Variants in DLG2 observed in about 807,000 individuals in gnomAD.
DLG2 encodes the protein disks large homolog 2.
A neutral mutation model predicts 132.5 loss-of-function variants in DLG2; 45 were observed. The observed-to-expected ratio is 0.34, with a 90% confidence interval of 0.27 to 0.44. The LOEUF (loss-of-function observed/expected upper bound fraction) is 0.44, where lower values mean the gene tolerates loss of function less well. Among genes scored for constraint, DLG2 ranks in the 20% least tolerant of loss-of-function variants. The probability of loss-of-function intolerance (pLI) is 1.00; values close to 1 mark genes in which losing one functional copy is unlikely to be tolerated. For synonymous variants in DLG2, 424 were observed against 419.6 expected, an observed-to-expected ratio of 1.01 and a Z score of -0.13; for missense variants, 1,045 against 1,196.9, an observed-to-expected ratio of 0.87 and a Z score of 1.87.
chr11:85,535,412 C>A (rs1029264201), intron 3 of DLG2, among the ~76,000 whole-genome samples: 1 of 151,810 alleles, frequency 6.6e-6, no homozygotes, highest in Admixed American at 6.6e-5. Flanking sequence ...AATGTCAGTG[C>A]GTAGCAGTTT....
intron 7 of DLG2, among the ~76,000 whole-genome samples, chr11:84,310,904 T>C (rs757984163): frequency 2.0e-5 from 3 of 152,230 alleles, no homozygotes; most frequent in African/African-American, 4.8e-5. Flanking sequence ...GCAAAGGAAC[T>C]ATGAGGGGAG....
chr11:84,411,562 C>CTT (rs60348213), intron 7 of DLG2, among the ~76,000 whole-genome samples: 26 of 146,424 alleles, frequency 1.8e-4, no homozygotes, highest in African/African-American at 4.9e-4. Flanking sequence ...ATCTGTGGTA[C>CTT]TTTTTTTTTT....
At chr11:85,500,614 C>T (rs2093779494) in intron 3 of DLG2, among the ~76,000 whole-genome samples, 1 of 149,616 alleles carries the variant, frequency 6.7e-6, no homozygotes, top group Non-Finnish European at 1.5e-5. Context: ...CACAAGCATT[C>T]CTCTACACCA....
intron 5 of DLG2, among the ~76,000 whole-genome samples, chr11:85,150,751 T>TGTGTAA: frequency 7.8e-6 from 1 of 127,404 alleles, no homozygotes; most frequent in East Asian, 2.2e-4. Flanking sequence ...TGTGTGTGTG[T>TGTGTAA]AACATTTTCT....
chr11:84,158,655 G>A (rs368151155), intron 9 of DLG2, among the ~76,000 whole-genome samples: 28 of 152,218 alleles, frequency 1.8e-4, no homozygotes, highest in African/African-American at 4.8e-4. Context: ...TAAATTAAAC[G>A]TTACAGAGGT....
At chr11:83,570,054 T>C (rs1050009244) in intron 19 of DLG2, among the ~76,000 whole-genome samples, 1 of 152,236 alleles carries the variant, frequency 6.6e-6, no homozygotes, top group African/African-American at 2.4e-5. Context: ...GGTCACTTCA[T>C]GCACTTAGCA....
At chr11:85,609,896 G>C (rs1196198016) in intron 2 of DLG2, among the ~76,000 whole-genome samples, 1 of 152,188 alleles carries the variant, frequency 6.6e-6, no homozygotes, top group Non-Finnish European at 1.5e-5. Flanking sequence ...CACCTCCTCA[G>C]TTGTAATTGG....
chr11:84,522,246 A>C (rs2099305226), intron 7 of DLG2, among the ~76,000 whole-genome samples: 2 of 152,158 alleles, frequency 1.3e-5, no homozygotes. Flanking sequence ...GTGAAACTAG[A>C]AAATCTCTAA....
chr11:84,445,199 T>A (rs897756517), intron 7 of DLG2, among the ~76,000 whole-genome samples: 3 of 152,226 alleles, frequency 2.0e-5, no homozygotes, highest in Non-Finnish European at 2.9e-5. Context: ...TATCATTTTT[T>A]GTTATAGTTT....
At chr11:85,348,299 T>C (rs894198257) in intron 3 of DLG2, among the ~76,000 whole-genome samples, 3 of 151,732 alleles carry the variant, frequency 2.0e-5, no homozygotes, top group Non-Finnish European at 4.4e-5. Flanking sequence ...CTCAGCTCAC[T>C]GCAACTTCAG....
chr11:83,927,257 C>T (rs1217547025), intron 15 of DLG2, among the ~76,000 whole-genome samples: 2 of 152,154 alleles, frequency 1.3e-5, no homozygotes, highest in Non-Finnish European at 2.9e-5. Flanking sequence ...CAAAAATACA[C>T]AATTCCACTC....
At chr11:85,371,946 C>T (rs759261316) in intron 3 of DLG2, among the ~76,000 whole-genome samples, 5 of 152,168 alleles carry the variant, frequency 3.3e-5, no homozygotes, top group African/African-American at 4.8e-5. Context: ...CCACTCAGTC[C>T]TGACATAATT....
chr11:84,367,080 CA>C (rs1393299312), intron 7 of DLG2, among the ~76,000 whole-genome samples: 7 of 152,180 alleles, frequency 4.6e-5, no homozygotes, highest in African/African-American at 1.4e-4. Context: ...CTCTCCTCAG[CA>C]AATGTAAAAG....
intron 6 of DLG2, among the ~76,000 whole-genome samples, chr11:85,027,919 G>T (rs78167990): frequency 0.011 from 1,650 of 152,282 alleles, 15 homozygotes; most frequent in Admixed American, 0.019. Flanking sequence ...TTTCAGCCCT[G>T]TTTGTGTTGC....
intron 6 of DLG2, among the ~76,000 whole-genome samples, chr11:84,731,583 G>A (rs1290128136): frequency 6.6e-6 from 1 of 151,956 alleles, no homozygotes; most frequent in Non-Finnish European, 1.5e-5. Context: ...CAAAGAATAT[G>A]TGGTACCAGC....
chr11:85,296,621 C>A (rs182710604), intron 3 of DLG2, among the ~76,000 whole-genome samples: 103 of 151,402 alleles, frequency 6.8e-4, no homozygotes, highest in African/African-American at 2.4e-3. Flanking sequence ...TATTTTTTGG[C>A]AGATTAATAA....
intron 6 of DLG2, among the ~76,000 whole-genome samples, chr11:84,845,332 A>T (rs2081318479): frequency 6.6e-6 from 1 of 152,158 alleles, no homozygotes; most frequent in Admixed American, 6.6e-5. Context: ...GGTACATATT[A>T]TGGGCCAGGT....
chr11:84,006,099 G>A (rs1221000056), intron 11 of DLG2, among the ~76,000 whole-genome samples: 2 of 151,806 alleles, frequency 1.3e-5, no homozygotes, highest in African/African-American at 4.8e-5. Context: ...ATGAATAAAT[G>A]GATGAAGAGA....
intron 8 of DLG2, among the ~76,000 whole-genome samples, chr11:84,180,251 G>A (rs2096079591): frequency 6.6e-6 from 1 of 152,044 alleles, no homozygotes; most frequent in African/African-American, 2.4e-5. Flanking sequence ...GAATACTTTT[G>A]ATTCTTACGT....
Sources: allele counts gnomAD v4.1 joint callset (sites outside exome capture counted in the v4.1 genomes callset), GRCh38; gene constraint gnomAD v4.1.1; transcripts MANE v1.5; gene names NCBI Gene and HGNC (gene_info 2026-07-23, HGNC 2026-07-21).